Variants in BLTP3A observed in about 807,000 individuals in gnomAD.
BLTP3A encodes the protein ICBP90 binding protein 1.
At chr6:34,832,837 C>T in the BLTP3A span, among the ~76,000 whole-genome samples, 1 of 152,100 alleles carries the variant, frequency 6.6e-6, no homozygotes, top group Non-Finnish European at 1.5e-5. Context: ...GCTCTATTTT[C>T]TCTCTGGTTT....
At chr6:34,821,368 A>G in the BLTP3A span, 5 of 263,216 alleles carry the variant, frequency 1.9e-5, no homozygotes, top group Admixed American at 4.9e-5. Flanking sequence ...ATGATGACAC[A>G]ATCATAAGTA....
chr6:34,835,405 A>C, the BLTP3A span: 1 of 1,614,190 alleles, frequency 6.2e-7, no homozygotes. Flanking sequence ...AGAGTCACTG[A>C]GTGAAGCCAT....
chr6:34,871,082 A>G, the BLTP3A span: 7 of 1,613,778 alleles, frequency 4.3e-6, no homozygotes, highest in African/African-American at 8.0e-5. Context: ...GTCCCCATGC[A>G]GATTGAGCTT....
the BLTP3A span, chr6:34,835,205 G>A: frequency 1.4e-6 from 2 of 1,418,050 alleles, no homozygotes; most frequent in East Asian, 4.6e-5. Context: ...AGATTGAAAA[G>A]CCGCTTCTGA....
At chr6:34,811,566 A>G in the BLTP3A span, among the ~76,000 whole-genome samples, 1 of 152,010 alleles carries the variant, frequency 6.6e-6, no homozygotes, top group Non-Finnish European at 1.5e-5. Context: ...TCTCTACAAA[A>G]GTGTTTAAAA....
chr6:34,812,089 G>T, the BLTP3A span, among the ~76,000 whole-genome samples: 8 of 152,070 alleles, frequency 5.3e-5, no homozygotes, highest in South Asian at 1.5e-3. Flanking sequence ...AGCACTTTGG[G>T]AGTCCAAGGT....
the BLTP3A span, among the ~76,000 whole-genome samples, chr6:34,861,318 G>A: frequency 1.3e-5 from 2 of 152,094 alleles, no homozygotes; most frequent in East Asian, 1.9e-4. Context: ...TAGAGATGGG[G>A]TTTTGCCATG....
chr6:34,871,613 TC>T, the BLTP3A span: 1 of 1,613,602 alleles, frequency 6.2e-7, no homozygotes, highest in South Asian at 1.1e-5. Context: ...ATCCAACATC[TC>T]CAGGCCCCAT....
chr6:34,873,235 CA>C, the BLTP3A span: 1 of 152,028 alleles, frequency 6.6e-6, no homozygotes, highest in East Asian at 1.9e-4. Flanking sequence ...CATGATATGC[CA>C]GGGGTCAGTG....
At chr6:34,842,140 A>G in the BLTP3A span, among the ~76,000 whole-genome samples, 3 of 152,154 alleles carry the variant, frequency 2.0e-5, no homozygotes, top group African/African-American at 7.2e-5. Context: ...TTGTTCTTTT[A>G]GCTCTAAGCA....
chr6:34,872,510 C>A, the BLTP3A span: 1 of 1,530,256 alleles, frequency 6.5e-7, no homozygotes, highest in Admixed American at 2.1e-5. Flanking sequence ...GGACAGAGGG[C>A]ACTGTCCAGT....
At chr6:34,815,257 T>TTGTC in the BLTP3A span, among the ~76,000 whole-genome samples, 1 of 152,134 alleles carries the variant, frequency 6.6e-6, no homozygotes, top group East Asian at 1.9e-4. Flanking sequence ...GTTTGTTTGT[T>TTGTC]TGTTTGTTTT....
chr6:34,809,052 A>G, the BLTP3A span, among the ~76,000 whole-genome samples: 1 of 152,246 alleles, frequency 6.6e-6, no homozygotes, highest in Admixed American at 6.5e-5. Flanking sequence ...TAATAAATTC[A>G]GTATGACCTT....
chr6:34,821,570 C>G, the BLTP3A span: 2 of 1,334,740 alleles, frequency 1.5e-6, no homozygotes, highest in African/African-American at 1.5e-5. Flanking sequence ...TTTCTTTTCT[C>G]TAGATTCAGA....
At chr6:34,842,662 G>A in the BLTP3A span, among the ~76,000 whole-genome samples, 1 of 151,972 alleles carries the variant, frequency 6.6e-6, no homozygotes, top group Non-Finnish European at 1.5e-5. Context: ...TAATTAAAAA[G>A]TAAAAATAAA....
At chr6:34,858,200 T>C in the BLTP3A span, 1 of 1,614,198 alleles carries the variant, frequency 6.2e-7, no homozygotes, top group Non-Finnish European at 8.5e-7. Context: ...GCGTCAGGCA[T>C]GATTGCCACC....
the BLTP3A span, among the ~76,000 whole-genome samples, chr6:34,862,268 C>T: frequency 2.6e-5 from 4 of 151,768 alleles, no homozygotes; most frequent in Non-Finnish European, 4.4e-5. Flanking sequence ...TCCAGCTACT[C>T]GGGAGGCTGA....
the BLTP3A span, chr6:34,857,367 A>T: frequency 2.5e-6 from 4 of 1,613,892 alleles, no homozygotes; most frequent in Non-Finnish European, 3.4e-6. Context: ...AGCCATCTAC[A>T]CTCCTTTCCT....
the BLTP3A span, among the ~76,000 whole-genome samples, chr6:34,823,568 G>A: frequency 6.7e-6 from 1 of 148,168 alleles, no homozygotes; most frequent in Non-Finnish European, 1.5e-5. Context: ...CCTGGGATAG[G>A]GTCTTGCTCT....
Sources: allele counts gnomAD v4.1 joint callset (sites outside exome capture counted in the v4.1 genomes callset), GRCh38; gene constraint gnomAD v4.1.1; transcripts MANE v1.5; gene names NCBI Gene and HGNC (gene_info 2026-07-23, HGNC 2026-07-21).